Variants in UTRN observed in about 807,000 individuals in gnomAD.
UTRN encodes utrophin.
In UTRN, 283 loss-of-function variants were observed where a neutral mutation model predicts 463.9. The ratio of observed to expected loss-of-function variants is 0.61; its 90% CI spans 0.55 to 0.67. The LOEUF is 0.67. Among genes scored for constraint, UTRN ranks in the 30% least tolerant of loss-of-function variants. UTRN has a pLI of 0.00. For missense variants in UTRN, 3,922 were observed against 4,084.3 expected, an observed-to-expected ratio of 0.96 and a Z score of 1.08; for synonymous variants, 1,442 against 1,431.5, an observed-to-expected ratio of 1.01 and a Z score of -0.17.
intron 2 of UTRN, among the ~76,000 whole-genome samples, chr6:144,294,465 A>G (rs1370829212): frequency 6.6e-6 from 1 of 152,184 alleles, no homozygotes; most frequent in Non-Finnish European, 1.5e-5. Context: ...TTGTCTACAT[A>G]TCATATATGT....
chr6:144,428,334 G>A (rs1165201617), intron 7 of UTRN, among the ~76,000 whole-genome samples: 1 of 151,276 alleles, frequency 6.6e-6, no homozygotes, highest in Admixed American at 6.6e-5. Flanking sequence ...GAAGAATTTA[G>A]TCCATTAACA....
chr6:144,294,496 A>G (rs762371514), intron 2 of UTRN, among the ~76,000 whole-genome samples: 27 of 152,168 alleles, frequency 1.8e-4, no homozygotes, highest in Non-Finnish European at 3.1e-4. Flanking sequence ...TCCTCTGTCT[A>G]CATGCTGTAT....
At chr6:144,450,764 A>G (rs1250474045) in intron 17 of UTRN, among the ~76,000 whole-genome samples, 2 of 152,232 alleles carry the variant, frequency 1.3e-5, no homozygotes, top group African/African-American at 4.8e-5. Context: ...TTTATTATCT[A>G]TAAGCATTTA....
At chr6:144,452,316 T>C (rs1423101206) in intron 18 of UTRN, among the ~76,000 whole-genome samples, 4 of 152,218 alleles carry the variant, frequency 2.6e-5, no homozygotes, top group Admixed American at 2.6e-4. Context: ...CTGAATTTAT[T>C]TGATAGCACT....
intron 60 of UTRN, 93 bp downstream of exon 60, chr6:144,774,457 G>A: frequency 8.5e-7 from 1 of 1,175,598 alleles, no homozygotes; most frequent in Non-Finnish European, 1.2e-6. Context: ...TGGAGTGTTT[G>A]CCAAGTTAAT....
intron 23 of UTRN, among the ~76,000 whole-genome samples, chr6:144,468,817 T>C (rs184874711): frequency 6.6e-6 from 1 of 152,286 alleles, no homozygotes; most frequent in Admixed American, 6.5e-5. Context: ...TTTGGTATGT[T>C]TGAAAAGCAC....
intron 50 of UTRN, among the ~76,000 whole-genome samples, chr6:144,566,293 G>A (rs1311268374): frequency 6.6e-6 from 1 of 152,148 alleles, no homozygotes; most frequent in Non-Finnish European, 1.5e-5. Context: ...AGATCTTTGT[G>A]AGTGGGATGG....
At chr6:144,319,575 A>G (rs1183417031) in intron 2 of UTRN, among the ~76,000 whole-genome samples, 1 of 152,108 alleles carries the variant, frequency 6.6e-6, no homozygotes, top group Non-Finnish European at 1.5e-5. Context: ...TTTGGTCCCA[A>G]GTTATTTTAA....
chr6:144,626,800 C>T (rs1056518657), intron 51 of UTRN, among the ~76,000 whole-genome samples: 13 of 152,110 alleles, frequency 8.5e-5, no homozygotes, highest in Non-Finnish European at 1.5e-4. Context: ...CCACCACGCC[C>T]ACCTAATTTT....
At chr6:144,534,924 T>C (rs982506463) in intron 43 of UTRN, among the ~76,000 whole-genome samples, 1 of 152,100 alleles carries the variant, frequency 6.6e-6, no homozygotes, top group African/African-American at 2.4e-5. Flanking sequence ...GTGGGAGGCA[T>C]AAATAGCATC....
At chr6:144,417,546 A>G (rs763339513) in intron 3 of UTRN, among the ~76,000 whole-genome samples, 5 of 152,214 alleles carry the variant, frequency 3.3e-5, no homozygotes, top group Non-Finnish European at 7.3e-5. Flanking sequence ...AATGCTTGCT[A>G]TCATTATGTC....
At chr6:144,565,623 A>G (rs1414088022) in intron 50 of UTRN, among the ~76,000 whole-genome samples, 1 of 152,168 alleles carries the variant, frequency 6.6e-6, no homozygotes, top group Non-Finnish European at 1.5e-5. Context: ...TATCTCTTAG[A>G]GGAAATGGAG....
intron 59 of UTRN, among the ~76,000 whole-genome samples, chr6:144,773,080 A>G (rs1794263165): frequency 6.6e-6 from 1 of 152,028 alleles, no homozygotes; most frequent in African/African-American, 2.4e-5. Flanking sequence ...AATTTTGATG[A>G]TATCTGAGTT....
At chr6:144,469,785 G>A (rs1334032106) in intron 23 of UTRN, among the ~76,000 whole-genome samples, 2 of 150,524 alleles carry the variant, frequency 1.3e-5, no homozygotes, top group Non-Finnish European at 2.9e-5. Context: ...CAATAGTGGA[G>A]GGAAGGTCAG....
chr6:144,421,780 T>C, intron 3 of UTRN, 98 bp from the exon 4 acceptor site: 3 of 793,250 alleles, frequency 3.8e-6, no homozygotes, highest in Non-Finnish European at 5.5e-6. Context: ...AACATTTTAA[T>C]TGAGCAAAAA....
Position 144,438,821 on chromosome 6 carries a change from C to T in UTRN, c.1318C>T (p.Arg440Cys), listed in dbSNP as rs753668845. Reference protein sequence around the residue: ...LSAWLTLTEERIQKMETCPLD... With the variant: ...LSAWLTLTEECIQKMETCPLD... ...CGCCTGGTTAACACTCACAGAGGAG[C>T]GCATTCAGAAGATGGAAACTTGCCC... The change falls in exon 12 of 75, where the codon CGC becomes TGC. Residue 440 changes from arginine (R) to cysteine (C), a missense_variant. Physicochemically the swap from Arg to Cys is radical, Grantham distance 180. This residue lies in a region of UTRN where 2,349 missense variants were observed against 2,303.8 expected (regional missense o/e 1.02). Transcript: ENST00000367545. 64 of 1,614,000 alleles carry T rather than the reference C, an allele frequency of 4.0e-5. No individual in the cohort carries two copies. The Admixed American group carries it at 8.7e-4, about 22-fold the overall frequency.
At chr6:144,470,591 C>G (rs187316668) in intron 23 of UTRN, among the ~76,000 whole-genome samples, 1 of 151,462 alleles carries the variant, frequency 6.6e-6, no homozygotes, top group East Asian at 2.0e-4. Context: ...ACTGGGCGGC[C>G]GGGCAGAGAC....
At chr6:144,732,216 A>T (rs9390202) in intron 54 of UTRN, among the ~76,000 whole-genome samples, 3,105 of 40,694 alleles carry the variant, frequency 0.076, 58 homozygotes, top group East Asian at 0.18. Flanking sequence ...ACTCTGTTTT[A>T]TATATATATA....
At chr6:144,681,430 G>A (rs115085157) in intron 52 of UTRN, among the ~76,000 whole-genome samples, 304 of 152,296 alleles carry the variant, frequency 2.0e-3, no homozygotes, top group African/African-American at 6.7e-3. Context: ...GAATGCTGTC[G>A]AGAGCCAAGG....
Sources: allele counts gnomAD v4.1 joint callset (sites outside exome capture counted in the v4.1 genomes callset), GRCh38; gene constraint gnomAD v4.1.1; regional missense constraint gnomAD v4.1.1; transcripts MANE v1.5; gene names NCBI Gene and HGNC (gene_info 2026-07-23, HGNC 2026-07-21).